The following TRPM2 variants were observed in gnomAD, a reference collection of about 807,000 sequenced individuals.
TRPM2 encodes transient receptor potential cation channel subfamily M member 2, also known as estrogen-responsive element-associated gene 1 protein.
TRPM2 carries 161 observed loss-of-function variants against 174.0 expected under a neutral mutation model. The ratio of observed to expected loss-of-function variants is 0.93; its 90% confidence interval spans 0.81 to 1.05. TRPM2 has a LOEUF of 1.05. Among genes scored for constraint, TRPM2 ranks in the 50% least tolerant of loss-of-function variants. The pLI is 0.00. For missense variants in TRPM2, 2,057 were observed against 2,038.0 expected (o/e 1.01, Z -0.18); for synonymous variants, 954 against 861.3 (o/e 1.11, Z -1.88).
Position 44,439,283 on chromosome 21 carries a change from G to A in TRPM2, c.4269+115G>A. On this transcript the variant is annotated intron_variant, in intron 30 of 31. Transcript: ENST00000397928. The surrounding 1 kb of genome is among the most constrained non-coding windows in gnomAD (Gnocchi z 5.1). Reference sequence around the variant, plus strand: ...CACTGGGTGGCAGCGGTCCCACCCAGCTTCACCAGGTGACGGTGGTCCCAG... The same window carrying A: ...CACTGGGTGGCAGCGGTCCCACCCAACTTCACCAGGTGACGGTGGTCCCAG... 2.2e-6 allele frequency: 2 copies of A among 889,552 alleles called. No homozygotes were observed. The highest frequency in any genetic ancestry group is 3.0e-5 in the South Asian group (2 of 66,224). The allele number at this position is 889,552 out of a possible 1,614,324, so 55.1% of individuals were successfully genotyped here. A position where few individuals can be genotyped will look rare whatever the true frequency, so the allele number is the denominator to read the frequency against.
At position 44,405,317 on chromosome 21, in the gene TRPM2, T is replaced by C. The variant is rs1057227816; in HGVS notation, c.2657+57T>C. 3.7e-6 allele frequency: 6 copies of C among 1,602,968 alleles called. No individual in the cohort carries two copies. In the African/African-American group the frequency reaches 6.7e-5, roughly 18 times the overall value. On this transcript the variant is annotated intron_variant, in intron 17 of 31. Transcript: ENST00000397928. ...CTGAGGCAGCCAGCCCTGCAGGGGA[T>C]GAGCACAGGCCGGGCCCAGAACCAG...
chr21:44,381,191 G>A (rs1030912497), intron 8 of TRPM2, among the ~76,000 whole-genome samples: 11 of 152,034 alleles, frequency 7.2e-5, no homozygotes, highest in African/African-American at 2.2e-4. Flanking sequence ...GCCAGGCTGC[G>A]GACGAGGAGA....
intron 22 of TRPM2, among the ~76,000 whole-genome samples, chr21:44,419,813 C>T (rs1437908219): frequency 7.3e-5 from 8 of 110,144 alleles, no homozygotes; most frequent in South Asian, 3.2e-4. Context: ...GTGATGTTGG[C>T]AGTGGTGGTG....
intron 19 of TRPM2, among the ~76,000 whole-genome samples, chr21:44,411,310 C>T (rs1169447360): frequency 6.6e-6 from 1 of 151,992 alleles, no homozygotes; most frequent in Admixed American, 6.6e-5. Context: ...AGTCTTAATG[C>T]TTCTTCTGTT....
At chr21:44,437,033 C>T in intron 28 of TRPM2, 29 bp from the exon 29 acceptor site, 1 of 1,545,840 alleles carries the variant, frequency 6.5e-7, no homozygotes, top group African/African-American at 1.4e-5. Context: ...GCAGCGGGTC[C>T]TGGGCAGCCA....
At chr21:44,386,244 G>C (rs535005967) in intron 9 of TRPM2, among the ~76,000 whole-genome samples, 1 of 152,208 alleles carries the variant, frequency 6.6e-6, no homozygotes, top group South Asian at 2.1e-4. Context: ...AATTAGCTGG[G>C]CGTGGTGGCG....
At position 44,397,759 on chromosome 21, in the gene TRPM2, A is replaced by C; in HGVS notation, c.1945A>C (p.Ile649Leu). The change falls in exon 13 of 32, where the codon ATC becomes CTC. Residue 649 changes from isoleucine (I) to leucine (L), a missense_variant. By Grantham distance (5) the Ile-to-Leu change is conservative. Coordinates refer to ENST00000397928, the MANE Select transcript of TRPM2 (RefSeq NM_003307.4). ...CTCTGGTCCCCAGAGCCAGGACTGCATCGCAGCGGCCTTGGCCTGCAGCAA... is the reference window on the plus strand; with the variant it reads ...CTCTGGTCCCCAGAGCCAGGACTGCCTCGCAGCGGCCTTGGCCTGCAGCAA... Reference protein sequence around the residue: ...GIIWAQSQDCIAAALACSKIL... With the variant: ...GIIWAQSQDCLAAALACSKIL... 6.3e-7 allele frequency: 1 copy of C among 1,590,568 alleles called. No homozygotes were observed. Among genetic ancestry groups the C allele is most frequent in the Non-Finnish European group, 8.6e-7 (1 of 1,167,508 alleles).
rs752312297 is a variant in TRPM2, at chr21:44,375,999, C to T, written c.938C>T (p.Thr313Ile). 1.2e-6 allele frequency: 2 copies of T among 1,613,338 alleles called. No individual in the cohort carries two copies. The highest frequency in any genetic ancestry group is 1.7e-6 in the Non-Finnish European group (2 of 1,179,556). The change falls in exon 6 of 32, where the codon ACC (threonine) becomes ATC (isoleucine). Residue 313 changes from threonine to isoleucine, a missense_variant. Physicochemically the swap from Thr to Ile is moderately conservative, Grantham distance 89 (BLOSUM62 -1). Transcript: ENST00000397928. ...CTGGAGAAGTTCATATCGGAGCAGA[C>T]CAAGGAAAGAGGAGGTAGGGGAGCT... ...TRLEKFISEQ[T>I]KERGGVAIKI...
chr21:44,419,759 TGG>T, intron 22 of TRPM2, among the ~76,000 whole-genome samples: 1 of 2,802 alleles, frequency 3.6e-4, no homozygotes, highest in African/African-American at 1.4e-3. Context: ...ATGATGGCAG[TGG>T]TGGTGGTGGT....
In TRPM2 at chr21:44,369,237, T is replaced by G; in HGVS notation, c.665T>G (p.Val222Gly). 6.2e-7 allele frequency: 1 copy of G among 1,613,542 alleles called. No individual in the cohort carries two copies. The highest frequency in any genetic ancestry group is 1.1e-5 in the South Asian group (1 of 91,072). The change falls in exon 5 of 32, where the codon GTG becomes GGG. Residue 222 changes from valine (V) to glycine (G), a missense_variant. By Grantham distance (109) the Val-to-Gly change is moderately radical. Coordinates refer to ENST00000397928, the MANE Select transcript of TRPM2 (RefSeq NM_003307.4). Reference sequence around the variant, plus strand: ...GTCATGAAGCAGGTAGGCGAGGCGGTGCGGGACTTCAGCCTGAGCAGCAGC... The same window carrying G: ...GTCATGAAGCAGGTAGGCGAGGCGGGGCGGGACTTCAGCCTGAGCAGCAGC... ...TGVMKQVGEAVRDFSLSSSYK... is the reference protein window; with the variant it reads ...TGVMKQVGEAGRDFSLSSSYK...
chr21:44,425,220 GT>G, intron 24 of TRPM2: 1 of 449,726 alleles, frequency 2.2e-6, no homozygotes. Context: ...GCACTGCAGA[GT>G]GGGGGTGCGA....
At chr21:44,402,362 C>T (rs1208254738) in intron 16 of TRPM2, among the ~76,000 whole-genome samples, 1 of 152,218 alleles carries the variant, frequency 6.6e-6, no homozygotes, top group African/African-American at 2.4e-5. Flanking sequence ...GACGCAGCTG[C>T]ATCCAGGACA....
chr21:44,398,199 G>T (rs919174541), intron 13 of TRPM2, among the ~76,000 whole-genome samples: 1 of 116,906 alleles, frequency 8.6e-6, no homozygotes, highest in African/African-American at 3.6e-5. Context: ...CTGAAAATTT[G>T]GAGACTGTTT....
upstream of TRPM2, chr21:44,353,273 T>C (rs1032277688): frequency 2.5e-5 from 4 of 158,726 alleles, no homozygotes; most frequent in African/African-American, 7.2e-5. Context: ...AATTGTACAG[T>C]TGCGAAACCA....
intron 23 of TRPM2, 94 bp from the exon 24 acceptor site, chr21:44,424,758 C>T (rs2050687833): frequency 2.6e-6 from 2 of 764,656 alleles, no homozygotes; most frequent in Non-Finnish European, 2.0e-6. Flanking sequence ...GGGTGGGGCT[C>T]CTGGCTGGGG....
chr21:44,408,237 G>A (rs569076661), intron 19 of TRPM2, among the ~76,000 whole-genome samples: 74 of 152,204 alleles, frequency 4.9e-4, no homozygotes, highest in African/African-American at 1.7e-3. Context: ...GTGAGCTACC[G>A]CGCAGGGCCG....
chr21:44,373,584 C>A (rs141911976), intron 5 of TRPM2, among the ~76,000 whole-genome samples: 1,703 of 106,848 alleles, frequency 0.016, 26 homozygotes, highest in South Asian at 0.049. Flanking sequence ...GCATTATATG[C>A]GACCTGCATT....
intron 27 of TRPM2, among the ~76,000 whole-genome samples, chr21:44,431,145 T>TA (rs2051006631): frequency 6.6e-6 from 1 of 152,102 alleles, no homozygotes; most frequent in South Asian, 2.1e-4. Flanking sequence ...AGCTCATTTT[T>TA]ATTCAACTTT....
At chr21:44,394,641 T>C (rs2049286731) in intron 11 of TRPM2, among the ~76,000 whole-genome samples, 1 of 151,670 alleles carries the variant, frequency 6.6e-6, no homozygotes, top group African/African-American at 2.4e-5. Context: ...GTTTTATACA[T>C]TCACAATCTG....
Sources: allele counts gnomAD v4.1 joint callset (sites outside exome capture counted in the v4.1 genomes callset), GRCh38; gene constraint gnomAD v4.1.1; non-coding constraint Gnocchi (gnomAD v3.1); transcripts MANE v1.5; gene names NCBI Gene and HGNC (gene_info 2026-07-23, HGNC 2026-07-21).